NCOA2: variants seen among roughly 807,000 people sequenced by gnomAD.
NCOA2 encodes the protein class E basic helix-loop-helix protein 75.
NCOA2 carries 21 observed loss-of-function variants against 145.1 expected under a neutral mutation model. That is an observed-to-expected ratio of 0.14 (90% CI 0.10 to 0.21). NCOA2 has a LOEUF of 0.21. NCOA2 is among the 10% of genes least tolerant of loss of function. The probability of loss-of-function intolerance (pLI) is 1.00; values close to 1 mark genes in which losing one functional copy is unlikely to be tolerated. For missense variants in NCOA2, 1,472 were observed against 1,837.6 expected, an observed-to-expected ratio of 0.80 and a Z score of 3.64; for synonymous variants, 619 against 637.5, an observed-to-expected ratio of 0.97 and a Z score of 0.44.
At chr8:70,326,455 A>G (rs941583553) in intron 1 of NCOA2, among the ~76,000 whole-genome samples, 6 of 147,966 alleles carry the variant, frequency 4.1e-5, no homozygotes, top group Non-Finnish European at 6.0e-5. Context: ...ACACACGTGC[A>G]CACACACACA....
At chr8:70,421,643 A>G in the NCOA2 span, among the ~76,000 whole-genome samples, 8 of 150,102 alleles carry the variant, frequency 5.3e-5, no homozygotes, top group African/African-American at 2.0e-4. Flanking sequence ...GTGGATGAGG[A>G]CTAGAAAAGA....
At chr8:70,124,217 C>CTTGCTGAA in intron 20 of NCOA2, 135 bp from the exon 21 acceptor site, 1 of 797,150 alleles carries the variant, frequency 1.3e-6, no homozygotes, top group South Asian at 2.1e-5. Flanking sequence ...GCTGAGACAG[C>CTTGCTGAA]CGGCAGGTGG....
At chr8:70,154,391 T>C (rs1585865692) in intron 11 of NCOA2, among the ~76,000 whole-genome samples, 1 of 152,218 alleles carries the variant, frequency 6.6e-6, no homozygotes, top group Non-Finnish European at 1.5e-5. Context: ...ACTGTGGCTG[T>C]TAATAACCCA....
chr8:70,220,460 T>C (rs1003418113), intron 2 of NCOA2, among the ~76,000 whole-genome samples: 1 of 152,170 alleles, frequency 6.6e-6, no homozygotes. Flanking sequence ...AACAACACAA[T>C]AGCCCTGTTT....
chr8:70,150,480 T>C (rs1357375030), intron 11 of NCOA2, among the ~76,000 whole-genome samples: 1 of 152,220 alleles, frequency 6.6e-6, no homozygotes, highest in Non-Finnish European at 1.5e-5. Context: ...TTCACACTAT[T>C]AGAGCCACAA....
At chr8:70,271,866 C>T (rs1825075063) in intron 2 of NCOA2, among the ~76,000 whole-genome samples, 1 of 152,196 alleles carries the variant, frequency 6.6e-6, no homozygotes, top group Non-Finnish European at 1.5e-5. Context: ...TATTCCTTTG[C>T]TCCTGAATCA....
chr8:70,305,786 T>G (rs568118285), intron 1 of NCOA2, among the ~76,000 whole-genome samples: 70 of 152,336 alleles, frequency 4.6e-4, no homozygotes, highest in African/African-American at 1.6e-3. Context: ...CGATTAAGTA[T>G]GTCAATATTT....
chr8:70,439,870 G>A, the NCOA2 span, among the ~76,000 whole-genome samples: 3 of 152,242 alleles, frequency 2.0e-5, no homozygotes, highest in East Asian at 3.9e-4. Context: ...TGGGCCTCTC[G>A]CCAACCCGTC....
At chr8:70,293,370 T>A (rs1826853062) in intron 2 of NCOA2, among the ~76,000 whole-genome samples, 1 of 152,220 alleles carries the variant, frequency 6.6e-6, no homozygotes, top group South Asian at 2.1e-4. Context: ...TTGAAATGTA[T>A]TTCAACCATG....
intron 1 of NCOA2, among the ~76,000 whole-genome samples, chr8:70,309,821 G>C (rs1029917172): frequency 6.6e-6 from 1 of 152,130 alleles, no homozygotes; most frequent in South Asian, 2.1e-4. Flanking sequence ...GAGTGTGGTG[G>C]TGCACATCTG....
intron 5 of NCOA2, among the ~76,000 whole-genome samples, chr8:70,171,370 C>T (rs1814235205): frequency 6.6e-6 from 1 of 152,166 alleles, no homozygotes; most frequent in Admixed American, 6.5e-5. Context: ...AATGTGAATC[C>T]AGAAGGATCA....
intron 1 of NCOA2, among the ~76,000 whole-genome samples, chr8:70,308,529 C>T (rs1429052392): frequency 1.3e-5 from 2 of 151,778 alleles, no homozygotes; most frequent in Admixed American, 6.6e-5. Context: ...TATATACAAA[C>T]ACATACAAAT....
chr8:70,132,380 T>G (rs1809229522), intron 15 of NCOA2, among the ~76,000 whole-genome samples: 1 of 152,210 alleles, frequency 6.6e-6, no homozygotes, highest in Non-Finnish European at 1.5e-5. Context: ...AGGACTTTTC[T>G]GCCCTTTAGT....
intron 1 of NCOA2, among the ~76,000 whole-genome samples, chr8:70,361,581 T>G (rs1810205416): frequency 2.6e-5 from 4 of 152,252 alleles, no homozygotes. Flanking sequence ...CTCTTTAATA[T>G]GCATAAAAAT....
At chr8:70,155,903 G>T in intron 11 of NCOA2, 68 bp downstream of exon 11, 2 of 1,250,702 alleles carry the variant, frequency 1.6e-6, no homozygotes, top group South Asian at 1.6e-5. Context: ...ACTTCAAAAT[G>T]CCCCTATGGA....
chr8:70,270,046 C>A (rs1824919080), intron 2 of NCOA2, among the ~76,000 whole-genome samples: 1 of 151,884 alleles, frequency 6.6e-6, no homozygotes, highest in Non-Finnish European at 1.5e-5. Context: ...AAATTTTATC[C>A]TGGCGCATGC....
intron 1 of NCOA2, among the ~76,000 whole-genome samples, chr8:70,390,261 C>T (rs1813066601): frequency 6.6e-6 from 1 of 152,146 alleles, no homozygotes; most frequent in Non-Finnish European, 1.5e-5. Context: ...TGATTCAAGG[C>T]CATTAGCCTA....
chr8:70,411,424 G>A, the NCOA2 span, among the ~76,000 whole-genome samples: 2 of 152,158 alleles, frequency 1.3e-5, no homozygotes, highest in East Asian at 3.8e-4. Flanking sequence ...TCTCTAGAAT[G>A]GGAGGTCAAT....
intron 2 of NCOA2, among the ~76,000 whole-genome samples, chr8:70,287,818 A>C (rs932040749): frequency 1.3e-5 from 2 of 152,232 alleles, no homozygotes; most frequent in Non-Finnish European, 2.9e-5. Flanking sequence ...TGTAGAGAAA[A>C]TGGCATACAC....
Sources: gnomAD v4.1 joint callset for allele counts (sites outside exome capture counted in the v4.1 genomes callset) on GRCh38, gnomAD v4.1.1 for gene constraint, MANE v1.5 for transcripts, NCBI Gene and HGNC (gene_info 2026-07-23, HGNC 2026-07-21) for gene names.